The following DGKB variants were observed in gnomAD, a reference collection of about 807,000 sequenced individuals.
DGKB encodes the protein 90 kDa diacylglycerol kinase.
Under a neutral mutation model 114.3 loss-of-function variants are expected in DGKB, and 67 were observed. The observed-to-expected ratio is 0.59, with a 90% CI of 0.48 to 0.72. The LOEUF is 0.72. Among genes scored for constraint, DGKB ranks in the 30% least tolerant of loss-of-function variants. The probability of loss-of-function intolerance (pLI) is 0.00; values close to 1 mark genes in which losing one functional copy is unlikely to be tolerated. For missense variants in DGKB, 907 were observed against 975.2 expected (o/e 0.93, Z 0.93); for synonymous variants, 398 against 323.1 (o/e 1.23, Z -2.49).
intron 23 of DGKB, among the ~76,000 whole-genome samples, chr7:14,243,227 C>G (rs1419339446): frequency 1.3e-5 from 2 of 152,044 alleles, no homozygotes; most frequent in East Asian, 3.9e-4. Context: ...GTTGCCAAAA[C>G]TATGCCCAAT....
chr7:14,669,553 AT>A (rs1377638627), intron 13 of DGKB, among the ~76,000 whole-genome samples: 1 of 152,020 alleles, frequency 6.6e-6, no homozygotes, highest in Non-Finnish European at 1.5e-5. Context: ...CAGCCCCAAC[AT>A]TTCTTCTTTC....
intron 2 of DGKB, among the ~76,000 whole-genome samples, chr7:14,775,656 A>T (rs993846174): frequency 6.6e-6 from 1 of 151,908 alleles, no homozygotes; most frequent in Non-Finnish European, 1.5e-5. Flanking sequence ...TTCGTTCTGC[A>T]TTTCTTGCTG....
At chr7:14,217,292 C>T (rs558471020) in intron 23 of DGKB, among the ~76,000 whole-genome samples, 1 of 152,216 alleles carries the variant, frequency 6.6e-6, no homozygotes, top group East Asian at 1.9e-4. Context: ...CAATTGTTCA[C>T]TACTTTCCTC....
intron 4 of DGKB, chr7:14,750,165 TG>T (rs1833901642): frequency 1.9e-6 from 1 of 518,242 alleles, no homozygotes; most frequent in Admixed American, 1.9e-5. Context: ...TAATTGACAC[TG>T]AAGACATAAA....
Position 14,345,293 on chromosome 7 carries a change from T to C in DGKB, c.1926+8A>G, listed in dbSNP as rs1296090062. 1 of 1,492,938 alleles carries C rather than the reference T, an allele frequency of 6.7e-7. No homozygotes were observed. The highest frequency in any genetic ancestry group is 1.2e-5 in the South Asian group (1 of 80,938). 92.5% of individuals were successfully genotyped at this position (1,492,938 alleles called of 1,614,324 possible). ...CATATTACAAAAGAGAATTCATTTT[T>C]TTCTTACTTCTATTTCTACAGATTC... On this transcript the variant is annotated splice_region_variant and intron_variant, in intron 22 of 25. Transcript: ENST00000402815.
Position 14,302,134 on chromosome 7 carries a change from C to T in DGKB, c.2122+36381G>A, listed in dbSNP as rs536436771. Among the ~76,000 whole-genome samples, 16 of 152,102 alleles carry T rather than the reference C, an allele frequency of 1.1e-4. 1 individual carries two copies. The East Asian group carries it at 3.1e-3, about 29-fold the overall frequency. On this transcript the variant is annotated intron_variant, in intron 23 of 25. Coordinates refer to ENST00000402815, the MANE Select transcript of DGKB (RefSeq NM_001350709.2). ...GTACCTAGACACAAAAGAATAGATA[C>T]TAAGTTATTTTATTTATTTCAACAC...
At chr7:14,677,318 C>G (rs112560486) in intron 12 of DGKB, among the ~76,000 whole-genome samples, 3 of 151,956 alleles carry the variant, frequency 2.0e-5, no homozygotes, top group African/African-American at 7.2e-5. Context: ...GAGAAATAAG[C>G]TACTTTTCTA....
At chr7:14,274,492 G>A (rs960408214) in intron 23 of DGKB, among the ~76,000 whole-genome samples, 4 of 152,114 alleles carry the variant, frequency 2.6e-5, no homozygotes, top group Non-Finnish European at 2.9e-5. Flanking sequence ...TTTATCACTT[G>A]ATACCTTTCC....
intron 23 of DGKB, among the ~76,000 whole-genome samples, chr7:14,285,515 T>A (rs753368525): frequency 1.2e-4 from 19 of 152,220 alleles, no homozygotes; most frequent in African/African-American, 3.4e-4. Flanking sequence ...ATACACTGAT[T>A]TAGCAAAAGC....
At chr7:14,294,160 C>G (rs1407272212) in intron 23 of DGKB, among the ~76,000 whole-genome samples, 2 of 152,136 alleles carry the variant, frequency 1.3e-5, no homozygotes, top group East Asian at 3.9e-4. Flanking sequence ...CAGTGTCACC[C>G]TGTCATCTGT....
At chr7:14,647,983 C>T (rs1813464721) in intron 13 of DGKB, among the ~76,000 whole-genome samples, 1 of 152,244 alleles carries the variant, frequency 6.6e-6, no homozygotes, top group African/African-American at 2.4e-5. Flanking sequence ...GCACCTGGCT[C>T]AGAGGGTCCT....
chr7:14,403,857 A>G (rs1823524385), intron 21 of DGKB, among the ~76,000 whole-genome samples: 1 of 151,924 alleles, frequency 6.6e-6, no homozygotes, highest in Non-Finnish European at 1.5e-5. Context: ...AGAACCTGTG[A>G]TACTCATCTA....
intron 20 of DGKB, among the ~76,000 whole-genome samples, chr7:14,483,877 C>A (rs777262807): frequency 2.0e-5 from 3 of 152,018 alleles, no homozygotes; most frequent in Non-Finnish European, 4.4e-5. Context: ...GGAGCATAAA[C>A]CTAGGAGCAC....
At chr7:14,687,480 T>C (rs1229714998) in intron 9 of DGKB, among the ~76,000 whole-genome samples, 4 of 152,162 alleles carry the variant, frequency 2.6e-5, no homozygotes, top group East Asian at 3.8e-4. Context: ...CGGTGAGTCA[T>C]AGATTTCTAG....
intron 10 of DGKB, among the ~76,000 whole-genome samples, chr7:14,684,868 G>A (rs747490136): frequency 2.6e-5 from 4 of 151,810 alleles, no homozygotes; most frequent in Admixed American, 1.3e-4. Flanking sequence ...ATTATAAGAT[G>A]TTCATGTGAA....
At chr7:14,202,376 A>G (rs541106481) in intron 23 of DGKB, among the ~76,000 whole-genome samples, 27 of 152,104 alleles carry the variant, frequency 1.8e-4, no homozygotes, top group African/African-American at 6.0e-4. Flanking sequence ...CTACTGATGG[A>G]AAGTGCCTTT....
chr7:14,733,485 G>C (rs1010693847), intron 5 of DGKB, among the ~76,000 whole-genome samples: 2 of 152,038 alleles, frequency 1.3e-5, no homozygotes, highest in African/African-American at 4.8e-5. Context: ...CCAGGCATTC[G>C]AGACCAGCCT....
At position 14,455,612 on chromosome 7, in the gene DGKB, C is replaced by G. The variant is rs114356624; in HGVS notation, c.1835+22549G>C. Among the ~76,000 whole-genome samples, 398 of 152,052 alleles carry G rather than the reference C, an allele frequency of 2.6e-3. 2 individuals carry two copies. The highest frequency in any genetic ancestry group is 9.3e-3 in the African/African-American group (386 of 41,530). ...GGAAGTAATTTTCTATGTTTTCTAA[C>G]TAAAACCCAACCTTTCTGGCTGTGC... On this transcript the variant is annotated intron_variant, in intron 21 of 25. Transcript: ENST00000402815.
chr7:14,661,352 T>G (rs1222070190), intron 13 of DGKB, among the ~76,000 whole-genome samples: 2 of 144,278 alleles, frequency 1.4e-5, no homozygotes, highest in African/African-American at 2.6e-5. Context: ...TCAAACAAAT[T>G]TACAAGAAAA....
Sources: gnomAD v4.1 joint callset for allele counts (sites outside exome capture counted in the v4.1 genomes callset) on GRCh38, gnomAD v4.1.1 for gene constraint, MANE v1.5 for transcripts, NCBI Gene and HGNC (gene_info 2026-07-23, HGNC 2026-07-21) for gene names.